Variants in ERCC5 observed in about 807,000 individuals in gnomAD.
ERCC5 encodes the protein ERCC excision repair 5, endonuclease, also known as DNA excision repair protein ERCC-5.
A neutral mutation model predicts 105.6 loss-of-function variants in ERCC5; 68 were observed. That is an observed-to-expected ratio of 0.64 (90% CI 0.53 to 0.79). ERCC5 has a LOEUF of 0.79. Ranked by LOEUF, ERCC5 falls within the 30% of genes least tolerant of loss-of-function variation. The pLI, the probability that ERCC5 is intolerant of heterozygous loss-of-function variation, is 0.00. For missense variants in ERCC5, 1,373 were observed against 1,426.7 expected (o/e 0.96, Z 0.61); for synonymous variants, 546 against 526.2 (o/e 1.04, Z -0.51).
intron 8 of ERCC5, 69 bp downstream of exon 8, chr13:102,863,172 G>T: frequency 6.5e-7 from 1 of 1,534,290 alleles, no homozygotes. Context: ...TCAGAGATCG[G>T]TTAGTGTAGT....
At chr13:102,849,098 G>C (rs1234699616) in intron 1 of ERCC5, 1 of 517,436 alleles carries the variant, frequency 1.9e-6, no homozygotes, top group African/African-American at 1.9e-5. Context: ...ATGTAATAGT[G>C]AGCTTCATGG....
rs367738239 is a variant in ERCC5, at chr13:102,853,808, A to G, written c.316A>G (p.Thr106Ala). ...DLASSDSRKT[T>A]EKLLKTFLKR... is the part of the protein sequence containing the mutation. ...AGCGTCCAGTGACTCCAGGAAAACGACAGAGAAGCTTCTGAAAACATTTTT... is the reference window on the plus strand; with the variant it reads ...AGCGTCCAGTGACTCCAGGAAAACGGCAGAGAAGCTTCTGAAAACATTTTT... Residue 106 changes from threonine to alanine, a missense_variant, in exon 3 of 15, where the codon ACA (threonine) becomes GCA (alanine). Physicochemically the swap from Thr to Ala is moderately conservative, Grantham distance 58. Around this residue, in one of 3 missense-constraint regions of ERCC5, gnomAD observed 1,004 missense variants for 1,059.7 expected, o/e 0.95. Transcript: ENST00000652225. 1.2e-6 allele frequency: 2 copies of G among 1,614,146 alleles called. No individual in the cohort carries two copies. Among genetic ancestry groups the G allele is most frequent in the African/African-American group, 2.7e-5 (2 of 74,956 alleles).
intron 13 of ERCC5, among the ~76,000 whole-genome samples, chr13:102,872,855 G>T (rs563338710): frequency 6.6e-6 from 1 of 152,190 alleles, no homozygotes. Flanking sequence ...TTTTATTACT[G>T]GTTGTCCTTT....
rs535873461 is a variant in ERCC5, at chr13:102,874,043, A to C, written c.2964+700A>C. ...TGAACAAAACTAAGACAGCATTTCT[A>C]TGAGTTTCTCTTTGTTTTTTGGATG... On this transcript the variant is annotated intron_variant, in intron 14 of 14. Coordinates refer to ENST00000652225, the MANE Select transcript of ERCC5 (RefSeq NM_000123.4). Among the ~76,000 whole-genome samples the C allele has an allele frequency of 9.8e-5, 15 of 152,350 alleles. No individual in the cohort carries two copies. In the South Asian group the frequency reaches 3.1e-3, roughly 32 times the overall value.
Position 102,846,239 on chromosome 13 carries a change from G to T in ERCC5, c.-28G>T. Reference sequence around the variant, plus strand: ...AGAAGAATTAGAGTAGAAGTTGTCGGGGTCCGCTCTTAGGACGCAGCCGCC... The same window carrying T: ...AGAAGAATTAGAGTAGAAGTTGTCGTGGTCCGCTCTTAGGACGCAGCCGCC... On this transcript the variant is annotated 5_prime_UTR_variant, in exon 1 of 15. Transcript: ENST00000652225. The T allele has an allele frequency of 3.1e-6, 5 of 1,597,494 alleles. No homozygotes were observed. Among genetic ancestry groups the T allele is most frequent in the Non-Finnish European group, 4.3e-6 (5 of 1,167,636 alleles).
Position 102,862,686 on chromosome 13 carries a change from G to T in ERCC5, c.1537G>T (p.Ala513Ser). Residue 513 changes from alanine to serine, a missense_variant, in exon 8 of 15, where the codon GCA (alanine) becomes TCA (serine). This residue lies in a region of ERCC5 where 1,004 missense variants were observed against 1,059.7 expected (regional missense o/e 0.95). Coordinates refer to ENST00000652225, the MANE Select transcript of ERCC5 (RefSeq NM_000123.4). ...LESAVVRHSDAPGLPNGRELT... is the reference protein window; with the variant it reads ...LESAVVRHSDSPGLPNGRELT... ...GAGTGCAGTGGTTAGACATAGTGAC[G>T]CACCTGGGCTCCCGAATGGAAGGGA... is the stretch of plus-strand genomic sequence containing the variant. The T allele has an allele frequency of 1.2e-6, 2 of 1,614,174 alleles. No homozygotes were observed. Among genetic ancestry groups the T allele is most frequent in the South Asian group, 1.1e-5 (1 of 91,082 alleles).
In ERCC5 at chr13:102,875,922, C is replaced by G; in HGVS notation, c.*19C>G. 6.3e-7 allele frequency: 1 copy of G among 1,599,310 alleles called. No individual in the cohort carries two copies. The highest frequency in any genetic ancestry group is 1.1e-5 in the South Asian group (1 of 90,782). On this transcript the variant is annotated 3_prime_UTR_variant, in exon 15 of 15. Transcript: ENST00000652225. ...AACCTAATTAAAAAATATGTATCCT[C>G]TATAATTAGTTATGACAGCCATTTG... is the stretch of plus-strand genomic sequence containing the variant.
Position 102,853,942 on chromosome 13 carries a change from G to A in ERCC5, c.380+70G>A, listed in dbSNP as rs55869042. 4.5e-4 allele frequency: 650 copies of A among 1,430,822 alleles called. 4 individuals are homozygous for A. In the African/African-American group the frequency reaches 5.0e-3, roughly 11 times the overall value. The allele number at this position is 1,430,822 out of a possible 1,614,324, so 88.6% of individuals were successfully genotyped here. The stretch of plus-strand genomic sequence containing the variant: ...AGTGATTTTTGTCTTGATTTCCTGC[G>A]ATTCTCTTTCCCTATCTAATTTTGA... On this transcript the variant is annotated intron_variant, in intron 3 of 14. Coordinates refer to ENST00000652225, the MANE Select transcript of ERCC5 (RefSeq NM_000123.4).
chr13:102,862,860 C>A lies in ERCC5; in HGVS notation c.1711C>A (p.Pro571Thr), dbSNP rs141763734. The change falls in exon 8 of 15, where the codon CCG becomes ACG. Residue 571 changes from proline to threonine, a missense_variant. Physicochemically the swap from Pro to Thr is conservative, Grantham distance 38 (BLOSUM62 -1). Around this residue, in one of 3 missense-constraint regions of ERCC5, gnomAD observed 1,004 missense variants for 1,059.7 expected, o/e 0.95. Transcript: ENST00000652225. ...AAGTGATGATGAAACAAAATGTAAA[C>A]CGAATTCTGCTTCTGAAGTCATTGG... ...LSSDDETKCKPNSASEVIGPV... is the reference protein window; with the variant it reads ...LSSDDETKCKTNSASEVIGPV... 6.2e-7 allele frequency: 1 copy of A among 1,614,030 alleles called. No individual in the cohort carries two copies. The highest frequency in any genetic ancestry group is 8.5e-7 in the Non-Finnish European group (1 of 1,180,038).
In ERCC5 at chr13:102,854,286, A is replaced by G; in HGVS notation, c.381-2A>G. 5 of 1,614,180 alleles carry G rather than the reference A, an allele frequency of 3.1e-6. No homozygotes were observed. Among genetic ancestry groups the G allele is most frequent in the Non-Finnish European group, 4.2e-6 (5 of 1,180,014 alleles). On this transcript the variant is annotated splice_acceptor_variant, in intron 3 of 14. Transcript: ENST00000652225. LOFTEE classifies it high-confidence loss of function. ...CTGTTTAAAGATTTGTGTACTTTCCAGAGATGAAGCACTACCCAGTCTTAC... is the reference window on the plus strand; with the variant it reads ...CTGTTTAAAGATTTGTGTACTTTCCGGAGATGAAGCACTACCCAGTCTTAC...
chr13:102,873,625 A>G (rs528948587), intron 14 of ERCC5, among the ~76,000 whole-genome samples: 3 of 152,346 alleles, frequency 2.0e-5, no homozygotes, highest in Admixed American at 2.0e-4. Flanking sequence ...GTTTCTGATT[A>G]AATACATTAC....
intron 14 of ERCC5, 46 bp downstream of exon 14, chr13:102,873,389 C>T: frequency 1.9e-6 from 3 of 1,607,698 alleles, no homozygotes; most frequent in Non-Finnish European, 2.6e-6. Context: ...GAAGGGTAGG[C>T]TGTGGTTGAC....
intron 14 of ERCC5, among the ~76,000 whole-genome samples, chr13:102,873,610 A>G (rs1883103118): frequency 6.6e-6 from 1 of 152,192 alleles, no homozygotes; most frequent in African/African-American, 2.4e-5. Flanking sequence ...ATTTCACACT[A>G]AGGTGTTTCT....
chr13:102,872,525 G>C, intron 13 of ERCC5, 127 bp downstream of exon 13: 1 of 1,156,668 alleles, frequency 8.6e-7, no homozygotes, highest in Non-Finnish European at 1.2e-6. Flanking sequence ...TTAATATCCC[G>C]CTCTCCTTTT....
chr13:102,868,490 T>C (rs1882923258), intron 12 of ERCC5, among the ~76,000 whole-genome samples: 1 of 152,234 alleles, frequency 6.6e-6, no homozygotes, highest in Non-Finnish European at 1.5e-5. Context: ...TCCTGTGGAT[T>C]TCACAGGAAT....
In ERCC5 at chr13:102,865,935, G is replaced by T. The variant is rs772530886; in HGVS notation, c.2199+24G>T. On this transcript the variant is annotated intron_variant, in intron 9 of 14. Transcript: ENST00000652225. This position sits in a 1 kb window ranked among gnomAD's most constrained non-coding sequence, Gnocchi z 4.0. ...TGGTAATACCGTAACATTGTGTTTC[G>T]ACTTCTTGCTGAGGAAGCCAGGTTA... 1 of 1,613,834 alleles carries T rather than the reference G, an allele frequency of 6.2e-7. No individual in the cohort carries two copies. Among genetic ancestry groups the T allele is most frequent in the South Asian group, 1.1e-5 (1 of 90,836 alleles).
chr13:102,861,835 A>G, intron 7 of ERCC5, 121 bp downstream of exon 7: 1 of 1,379,350 alleles, frequency 7.2e-7, no homozygotes, highest in Non-Finnish European at 1.0e-6. Flanking sequence ...TAATAACTGT[A>G]TACTGCTATT....
At chr13:102,863,242 T>G (rs1174915759) in intron 8 of ERCC5, 139 bp downstream of exon 8, 4 of 1,012,154 alleles carry the variant, frequency 4.0e-6, no homozygotes, top group Admixed American at 2.5e-5. Context: ...TGAAATGACT[T>G]TCCCAGGGAG....
Position 102,866,784 on chromosome 13 carries a change from CT to C in ERCC5, c.2478del (p.Phe826LeufsTer7), listed in dbSNP as rs765932206. 1.2e-6 allele frequency: 2 copies of C among 1,614,138 alleles called. No individual in the cohort carries two copies. The highest frequency in any genetic ancestry group is 8.5e-7 in the Non-Finnish European group (1 of 1,179,992). ...LFGARHVYRN[F>X]FNKNKFVEYY... Reference sequence around the variant, plus strand: ...TTGGAGCGCGGCATGTCTATAGAAACTTTTTTAATAAAAACAAGTTTGTAGA... The same window carrying C: ...TTGGAGCGCGGCATGTCTATAGAAACTTTTTAATAAAAACAAGTTTGTAGA... On this transcript the variant is annotated frameshift_variant, in exon 11 of 15. Transcript: ENST00000652225. LOFTEE classifies it high-confidence loss of function.
Sources: gnomAD v4.1 joint callset for allele counts (sites outside exome capture counted in the v4.1 genomes callset) on GRCh38, gnomAD v4.1.1 for gene constraint, gnomAD v4.1.1 regional missense constraint, Gnocchi (gnomAD v3.1) non-coding constraint, MANE v1.5 for transcripts, NCBI Gene and HGNC (gene_info 2026-07-23, HGNC 2026-07-21) for gene names.